UNC79: variants seen among roughly 807,000 people sequenced by gnomAD.
UNC79 encodes protein unc-79 homolog.
In UNC79, 37 loss-of-function variants were observed where a neutral mutation model predicts 283.1. The ratio of observed to expected loss-of-function variants is 0.13; its 90% CI spans 0.10 to 0.17. UNC79 has a LOEUF of 0.17. Among genes scored for constraint, UNC79 ranks in the 10% least tolerant of loss-of-function variants. UNC79 has a pLI of 1.00. For synonymous variants in UNC79, 1,107 were observed against 1,200.2 expected (o/e 0.92, Z 1.61); for missense variants, 2,272 against 3,211.1 (o/e 0.71, Z 7.07).
intron 5 of UNC79, among the ~76,000 whole-genome samples, chr14:93,495,708 G>A (rs2058986252): frequency 6.6e-6 from 1 of 152,324 alleles, no homozygotes; most frequent in South Asian, 2.1e-4. Context: ...TGAAGGACAC[G>A]GAGGTCATTG....
intron 1 of UNC79, chr14:93,347,473 A>C (rs2053878994): frequency 2.2e-6 from 3 of 1,364,748 alleles, no homozygotes; most frequent in Admixed American, 6.9e-5. Flanking sequence ...GGGAGAAGGG[A>C]GGACACGGCG....
At chr14:93,484,834 G>A (rs894720691) in intron 4 of UNC79, among the ~76,000 whole-genome samples, 4 of 152,282 alleles carry the variant, frequency 2.6e-5, no homozygotes, top group East Asian at 1.9e-4. Flanking sequence ...GTAAGGCACC[G>A]TCTGTTTATG....
intron 30 of UNC79, among the ~76,000 whole-genome samples, chr14:93,624,246 G>A (rs529982789): frequency 7.2e-5 from 11 of 152,228 alleles, no homozygotes; most frequent in African/African-American, 1.9e-4. Context: ...CCTCAAAAAC[G>A]CGCTGTAAAA....
At chr14:93,473,954 C>A (rs1022456599) in intron 2 of UNC79, 135 bp from the exon 3 acceptor site, 4 of 1,054,692 alleles carry the variant, frequency 3.8e-6, no homozygotes, top group Non-Finnish European at 5.3e-6. Flanking sequence ...GACTGGTAGA[C>A]CCTGCTGGCG....
intron 32 of UNC79, 95 bp from the exon 36 acceptor site, chr14:93,641,050 T>G: frequency 1.0e-6 from 1 of 970,230 alleles, no homozygotes; most frequent in Non-Finnish European, 1.5e-6. Context: ...CCTGGGAATG[T>G]GATCTTTGGA....
At chr14:93,347,023 G>A (rs763442246) in intron 1 of UNC79, among the ~76,000 whole-genome samples, 1 of 151,768 alleles carries the variant, frequency 6.6e-6, no homozygotes, top group African/African-American at 2.4e-5. Context: ...CTAAGCAGAG[G>A]GGGTGGGGCA....
At chr14:93,465,359 A>G (rs1165310496) in intron 1 of UNC79, among the ~76,000 whole-genome samples, 1 of 152,206 alleles carries the variant, frequency 6.6e-6, no homozygotes, top group Non-Finnish European at 1.5e-5. Context: ...AGTCCCTACT[A>G]AGTGCCAGAC....
chr14:93,654,756 A>G (rs1191782570), intron 37 of UNC79, among the ~76,000 whole-genome samples: 1 of 152,156 alleles, frequency 6.6e-6, no homozygotes, highest in Non-Finnish European at 1.5e-5. Context: ...CTTCCACAGA[A>G]CAACTTGGTT....
chr14:93,540,922 G>A (rs2061342138), intron 13 of UNC79, 91 bp downstream of exon 13: 3 of 1,542,264 alleles, frequency 1.9e-6, no homozygotes, highest in Non-Finnish European at 2.6e-6. Flanking sequence ...TTTAAAAGGA[G>A]TAAATAGTGA....
At chr14:93,620,018 C>T (rs1465701853) in intron 29 of UNC79, among the ~76,000 whole-genome samples, 1 of 152,180 alleles carries the variant, frequency 6.6e-6, no homozygotes, top group East Asian at 1.9e-4. Context: ...TCCTCATTAA[C>T]ATATTTTGGG....
chr14:93,479,824 G>A (rs2058030881), intron 4 of UNC79, among the ~76,000 whole-genome samples: 1 of 152,024 alleles, frequency 6.6e-6, no homozygotes, highest in Admixed American at 6.6e-5. Flanking sequence ...TGTAGAGATG[G>A]GGTCTCACTA....
At chr14:93,545,278 G>A (rs1053642153) in intron 14 of UNC79, among the ~76,000 whole-genome samples, 11 of 152,042 alleles carry the variant, frequency 7.2e-5, no homozygotes, top group Non-Finnish European at 1.5e-4. Flanking sequence ...GATTACTTTT[G>A]GTTACAAAAT....
At chr14:93,665,118 A>AT (rs1250053648) in intron 40 of UNC79, among the ~76,000 whole-genome samples, 4 of 150,466 alleles carry the variant, frequency 2.7e-5, no homozygotes, top group Admixed American at 1.3e-4. Flanking sequence ...AAGAATGTAT[A>AT]TATAAATATT....
At chr14:93,364,048 A>G (rs1427566181) in intron 1 of UNC79, among the ~76,000 whole-genome samples, 1 of 151,952 alleles carries the variant, frequency 6.6e-6, no homozygotes, top group Non-Finnish European at 1.5e-5. Context: ...GTCCTTTTTG[A>G]TCATGTTGGT....
chr14:93,675,269 G>C (rs1403661488), intron 41 of UNC79, among the ~76,000 whole-genome samples: 1 of 152,270 alleles, frequency 6.6e-6, no homozygotes, highest in South Asian at 2.1e-4. Context: ...TGAAAGTCTA[G>C]ACAGTGTATA....
chr14:93,633,759 C>T, intron 31 of UNC79, among the ~76,000 whole-genome samples: 1 of 152,102 alleles, frequency 6.6e-6, no homozygotes, highest in East Asian at 1.9e-4. Context: ...TTTGGAAATG[C>T]TAATAACTTG....
intron 30 of UNC79, among the ~76,000 whole-genome samples, chr14:93,624,763 G>C (rs1485832848): frequency 1.3e-5 from 2 of 152,102 alleles, no homozygotes; most frequent in Non-Finnish European, 2.9e-5. Context: ...GCCCCTCCTT[G>C]CTGGGCATGG....
At chr14:93,645,805 C>G (rs2069536106) in intron 34 of UNC79, among the ~76,000 whole-genome samples, 1 of 152,092 alleles carries the variant, frequency 6.6e-6, no homozygotes, top group Admixed American at 6.6e-5. Context: ...GTGACATTAG[C>G]ATGAGAAGGT....
chr14:93,566,217 G>A (rs2062869206), intron 14 of UNC79, among the ~76,000 whole-genome samples: 2 of 152,110 alleles, frequency 1.3e-5, no homozygotes, highest in African/African-American at 2.4e-5. Context: ...ATTGGTTGCC[G>A]GAGAATCTCT....
Sources: gnomAD v4.1 joint callset for allele counts (sites outside exome capture counted in the v4.1 genomes callset) on GRCh38, gnomAD v4.1.1 for gene constraint, MANE v1.5 for transcripts, NCBI Gene and HGNC (gene_info 2026-07-23, HGNC 2026-07-21) for gene names.